Variants in ZNF3 observed in about 807,000 individuals in gnomAD.
ZNF3 encodes zinc finger protein 3, also known as C2-H2 type zinc finger protein.
In ZNF3, 16 loss-of-function variants were observed where a neutral mutation model predicts 36.9. That is an observed-to-expected ratio of 0.43 (90% CI 0.29 to 0.66). The LOEUF (loss-of-function observed/expected upper bound fraction) is 0.66, where lower values mean the gene tolerates loss of function less well. ZNF3 is among the 30% of genes least tolerant of loss of function. The pLI is 0.13. For synonymous variants in ZNF3, 201 were observed against 201.9 expected (o/e 1.00, Z 0.04); for missense variants, 462 against 543.1 (o/e 0.85, Z 1.48).
rs1794968745 is a variant in ZNF3, at chr7:100,081,335, G to C, written c.-198+300C>G. ...GGTCGCTGTCATTAGCTGCTTTCAA[G>C]AGAGAGGCGCCCCTACCGCTCTGCT... is the stretch of plus-strand genomic sequence containing the variant. On this transcript the variant is annotated intron_variant, in intron 1 of 5. Coordinates refer to ENST00000299667, the MANE Select transcript of ZNF3 (RefSeq NM_032924.5). This position sits in a 1 kb window ranked among gnomAD's most constrained non-coding sequence, Gnocchi z 4.3. 6.6e-6 allele frequency among the ~76,000 whole-genome samples: 1 copy of C among 152,248 alleles called. No individual in the cohort carries two copies. The highest frequency in any genetic ancestry group is 2.1e-4 in the South Asian group (1 of 4,836).
chr7:100,080,246 C>T (rs960000077), intron 1 of ZNF3, among the ~76,000 whole-genome samples: 3 of 152,216 alleles, frequency 2.0e-5, no homozygotes, highest in African/African-American at 7.2e-5. Context: ...ATCCACATTG[C>T]ACAGCTGAGC....
intron 5 of ZNF3, among the ~76,000 whole-genome samples, 186 bp from the exon 6 acceptor site, chr7:100,072,398 G>A (rs1430494404): frequency 6.6e-6 from 1 of 152,206 alleles, no homozygotes; most frequent in East Asian, 1.9e-4. Flanking sequence ...GAAGGGGCAG[G>A]GCAGAGCAAA....
At chr7:100,081,757 G>A (rs1329472453), upstream of ZNF3, 1 of 152,448 alleles carries the variant, frequency 6.6e-6, no homozygotes, top group African/African-American at 2.4e-5. The surrounding 1 kb of genome is among the most constrained non-coding windows in gnomAD (Gnocchi z 4.3). Flanking sequence ...TTCGCTTCCG[G>A]GTCGGTTGTT....
At chr7:100,074,279 CTTAT>C (rs1430335141) in intron 5 of ZNF3, among the ~76,000 whole-genome samples, 16 of 152,128 alleles carry the variant, frequency 1.1e-4, no homozygotes, top group Non-Finnish European at 2.1e-4. Context: ...ACTTTATTTA[CTTAT>C]TTATTTTTTG....
At chr7:100,064,080 CAGG>C (rs1792496930) in exon 6 of ZNF3, 3 of 1,614,010 alleles carry the variant, frequency 1.9e-6, no homozygotes, top group South Asian at 2.2e-5. Context: ...TCACCAAACA[CAGG>C]AGAACACACA....
Position 100,081,359 on chromosome 7 carries a change from C to T in ZNF3, c.-198+276G>A, listed in dbSNP as rs1328211452. ...AGAGAGAGGCGCCCCTACCGCTCTG[C>T]TGAAACTTTTAAACGCTCCAGCTGG... On this transcript the variant is annotated intron_variant, in intron 1 of 5. Transcript: ENST00000299667. The surrounding 1 kb of genome is among the most constrained non-coding windows in gnomAD (Gnocchi z 4.3). 1.3e-5 allele frequency among the ~76,000 whole-genome samples: 2 copies of T among 152,262 alleles called. No individual in the cohort carries two copies. The highest frequency in any genetic ancestry group is 6.5e-5 in the Admixed American group (1 of 15,290).
At position 100,070,496 on chromosome 7, in the gene ZNF3, A is replaced by C. The variant is rs1792961793; in HGVS notation, c.*647T>G. ...CCCCAGGACAACTGGGGGGGATGGC[A>C]GGGGGTCTGCTGGCAATATCACCAG... On this transcript the variant is annotated 3_prime_UTR_variant, in exon 6 of 6. Coordinates refer to ENST00000299667, the MANE Select transcript of ZNF3 (RefSeq NM_032924.5). 1 of 985,464 alleles carries C rather than the reference A, an allele frequency of 1.0e-6. No individual in the cohort carries two copies. The highest frequency in any genetic ancestry group is 4.7e-5 in the South Asian group (1 of 21,296). The allele number at this position is 985,464 out of a possible 1,614,324, so 61.0% of individuals were successfully genotyped here.
chr7:100,068,839 T>TG (rs1792778919), downstream of ZNF3, among the ~76,000 whole-genome samples: 2 of 151,710 alleles, frequency 1.3e-5, no homozygotes, highest in South Asian at 4.2e-4. Context: ...TTTTTTGAGA[T>TG]GGAGTCTCAC....
chr7:100,075,959 C>T (rs1397059095), intron 3 of ZNF3, among the ~76,000 whole-genome samples: 1 of 152,152 alleles, frequency 6.6e-6, no homozygotes. Flanking sequence ...CTTGTCCATT[C>T]ACCCAAGCTT....
In ZNF3 at chr7:100,071,823, T is replaced by C; in HGVS notation, c.661A>G (p.Ile221Val). Residue 221 changes from isoleucine (I) to valine (V), a missense_variant, in exon 6 of 6, where the codon ATC becomes GTC. Ile to Val is a conservative substitution (Grantham distance 29). Coordinates refer to ENST00000299667, the MANE Select transcript of ZNF3 (RefSeq NM_032924.5). ...RTSDLIQHQRIHTGEKPYECN... is the reference protein window; with the variant it reads ...RTSDLIQHQRVHTGEKPYECN... ...TCATAGGGCTTTTCCCCAGTGTGGA[T>C]TCTCTGATGTTGAATAAGGTCTGAA... is the stretch of plus-strand genomic sequence containing the variant. 6.2e-7 allele frequency: 1 copy of C among 1,613,828 alleles called. No individual in the cohort carries two copies. The highest frequency in any genetic ancestry group is 1.1e-5 in the South Asian group (1 of 91,040).
downstream of ZNF3, among the ~76,000 whole-genome samples, chr7:100,067,651 C>T (rs1399639131): frequency 3.3e-5 from 5 of 152,116 alleles, 1 homozygote; most frequent in South Asian, 8.3e-4. Context: ...ATTCTCCTGC[C>T]TTACCCTCCC....
intron 4 of ZNF3, 44 bp downstream of exon 4, chr7:100,075,498 C>A (rs764774490): frequency 1.2e-5 from 20 of 1,609,124 alleles, no homozygotes; most frequent in Non-Finnish European, 9.4e-6. Context: ...GATGTCATTG[C>A]ACAGAAAATG....
Position 100,071,419 on chromosome 7 carries a change from G to C in ZNF3, c.1065C>G (p.Leu355=). 1 of 1,613,940 alleles carries C rather than the reference G, an allele frequency of 6.2e-7. No homozygotes were observed. Among genetic ancestry groups the C allele is most frequent in the Non-Finnish European group, 8.5e-7 (1 of 1,179,980 alleles). ...CGKAFSQSSH[L]YQHQRIHTGE... ...CAGTGTGGATTCTCTGGTGCTGATA[G>C]AGGTGTGAGCTCTGGCTGAAGGCTT... The change falls in exon 6 of 6, where the codon CTC becomes CTG. Residue 355 remains leucine (L), a synonymous_variant. Coordinates refer to ENST00000299667, the MANE Select transcript of ZNF3 (RefSeq NM_032924.5).
chr7:100,080,364 C>T (rs1452685526), intron 1 of ZNF3, among the ~76,000 whole-genome samples: 2 of 152,168 alleles, frequency 1.3e-5, no homozygotes, highest in African/African-American at 2.4e-5. Context: ...TGCAGTGGCT[C>T]ACGCCTGTAA....
Position 100,070,655 on chromosome 7 carries a change from C to G in ZNF3, c.*488G>C. 1.0e-6 allele frequency: 1 copy of G among 990,082 alleles called. No individual in the cohort carries two copies. The highest frequency in any genetic ancestry group is 1.7e-5 in the African/African-American group (1 of 57,380). 61.3% of individuals were successfully genotyped at this position (990,082 alleles called of 1,614,324 possible). On this transcript the variant is annotated 3_prime_UTR_variant, in exon 6 of 6. Coordinates refer to ENST00000299667, the MANE Select transcript of ZNF3 (RefSeq NM_032924.5). The stretch of plus-strand genomic sequence containing the variant: ...GCCAAATTTCCATAATTAACGAAAT[C>G]ATGAAACAAAACAGCATGTTTCTTA...
chr7:100,069,932 G>A (rs1048718708), downstream of ZNF3: 2 of 985,526 alleles, frequency 2.0e-6, no homozygotes, highest in African/African-American at 3.5e-5. Flanking sequence ...TGTTTTAACT[G>A]AAATATATGG....
chr7:100,074,104 G>A (rs1366779597), intron 5 of ZNF3, among the ~76,000 whole-genome samples: 1 of 151,864 alleles, frequency 6.6e-6, no homozygotes, highest in African/African-American at 2.4e-5. Context: ...GCGGTGAGCC[G>A]AGACCACGCT....
intron 4 of ZNF3, 116 bp from the exon 5 acceptor site, chr7:100,075,377 CAG>C: frequency 6.3e-7 from 1 of 1,578,720 alleles, no homozygotes; most frequent in East Asian, 2.2e-5. Context: ...GAAGGGAGGA[CAG>C]GGTGGAGGAA....
At chr7:100,077,230 T>A (rs900590660) in intron 3 of ZNF3, 73 bp downstream of exon 3, 27 of 1,586,946 alleles carry the variant, frequency 1.7e-5, no homozygotes, top group Non-Finnish European at 2.1e-5. Context: ...GCCTAGTACC[T>A]GGTAAGTGAG....
Sources: gnomAD v4.1 joint callset for allele counts (sites outside exome capture counted in the v4.1 genomes callset) on GRCh38, gnomAD v4.1.1 for gene constraint, Gnocchi (gnomAD v3.1) non-coding constraint, MANE v1.5 for transcripts, NCBI Gene and HGNC (gene_info 2026-07-23, HGNC 2026-07-21) for gene names.